Variants in WWC2 observed in about 807,000 individuals in gnomAD.
WWC2 encodes WW and C2 domain containing 2, also known as protein WWC2.
WWC2 carries 101 observed loss-of-function variants against 138.5 expected under a neutral mutation model. That is an observed-to-expected ratio of 0.73 (90% CI 0.62 to 0.86). The LOEUF is 0.86. Ranked by LOEUF, WWC2 falls within the 40% of genes least tolerant of loss-of-function variation. The probability of loss-of-function intolerance (pLI) is 0.00; values close to 1 mark genes in which losing one functional copy is unlikely to be tolerated. For synonymous variants in WWC2, 558 were observed against 538.4 expected (o/e 1.04, Z -0.50); for missense variants, 1,420 against 1,419.4 (o/e 1.00, Z -0.01).
At chr4:183,149,136 T>C (rs1260395564) in intron 1 of WWC2, among the ~76,000 whole-genome samples, 2 of 152,070 alleles carry the variant, frequency 1.3e-5, no homozygotes, top group Non-Finnish European at 2.9e-5. Context: ...TAATGAATTG[T>C]CATAAAGCGA....
chr4:183,190,406 C>T (rs549968785), intron 1 of WWC2, among the ~76,000 whole-genome samples: 28 of 152,056 alleles, frequency 1.8e-4, no homozygotes, highest in Non-Finnish European at 3.2e-4. Flanking sequence ...CCTCTTAGTA[C>T]GTCATAGTAA....
rs747282878 is a variant in WWC2 at position 183,245,543 on chromosome 4, C to T, written c.730C>T (p.Gln244Ter). The T allele has an allele frequency of 6.3e-7, 1 of 1,582,156 alleles. No homozygotes were observed. The highest frequency in any genetic ancestry group is 8.6e-7 in the Non-Finnish European group (1 of 1,169,356). The change falls in exon 6 of 23, where the codon CAG (glutamine) becomes TAG (stop). Residue 244 changes from glutamine (Q) to a stop codon, truncating the protein, a stop_gained and splice_region_variant. Coordinates refer to ENST00000403733, the MANE Select transcript of WWC2 (RefSeq NM_024949.6). LOFTEE classifies it high-confidence loss of function. Reference protein sequence around the residue: ...SGEKEKQDLMQSLAKLQERFH... With the variant: ...SGEKEKQDLM Reference sequence around the variant, plus strand: ...AGAAAAAGAAAAACAAGATCTGATGCAGGTACATTATAAAACATTTTGTTA... The same window carrying T: ...AGAAAAAGAAAAACAAGATCTGATGTAGGTACATTATAAAACATTTTGTTA...
At chr4:183,103,513 A>G (rs1410550224) in intron 1 of WWC2, among the ~76,000 whole-genome samples, 1 of 150,458 alleles carries the variant, frequency 6.6e-6, no homozygotes, top group Non-Finnish European at 1.5e-5. Context: ...TTTTTAGTAG[A>G]AATGGGGTTT....
chr4:183,118,946 A>T lies in WWC2; in HGVS notation c.131+19324A>T, dbSNP rs547548338. On this transcript the variant is annotated intron_variant, in intron 1 of 22. Transcript: ENST00000403733. ...TTTTTTTTTTGTAATCCTGTCTCTC[A>T]TCCTCCCCTGACAACACTTTACTTC... 6.7e-4 allele frequency among the ~76,000 whole-genome samples: 101 copies of T among 151,124 alleles called. 1 individual carries two copies. The highest frequency in any genetic ancestry group is 2.4e-3 in the African/African-American group (97 of 41,082).
At chr4:183,195,506 CT>C (rs1194482632) in intron 2 of WWC2, among the ~76,000 whole-genome samples, 2 of 152,184 alleles carry the variant, frequency 1.3e-5, no homozygotes, top group East Asian at 3.9e-4. Flanking sequence ...CTCTTAATAA[CT>C]TTTCTATTTC....
Position 183,262,594 on chromosome 4 carries a change from A to G in WWC2, c.1909+1062A>G, listed in dbSNP as rs145462582. On this transcript the variant is annotated intron_variant, in intron 11 of 22. Coordinates refer to ENST00000403733, the MANE Select transcript of WWC2 (RefSeq NM_024949.6). ...GTGGCCTGGGCCTGTGGGAGGGCCC[A>G]TGAGACATTTGTGTGGTTTGTGCGC... Among the ~76,000 whole-genome samples, 325 of 152,382 alleles carry G rather than the reference A, an allele frequency of 2.1e-3. 1 individual carries two copies. The highest frequency in any genetic ancestry group is 7.2e-3 in the African/African-American group (298 of 41,600).
intron 21 of WWC2, among the ~76,000 whole-genome samples, chr4:183,289,953 A>C (rs984357658): frequency 3.3e-5 from 5 of 151,942 alleles, no homozygotes; most frequent in Non-Finnish European, 7.4e-5. Context: ...TCTCCTCCAT[A>C]TTGTTCTCCA....
intron 1 of WWC2, among the ~76,000 whole-genome samples, chr4:183,127,380 G>T (rs895891837): frequency 6.6e-6 from 1 of 151,992 alleles, no homozygotes; most frequent in Non-Finnish European, 1.5e-5. Context: ...AAATAAGCCC[G>T]ACAGGAAGAA....
At chr4:183,243,548 C>G (rs1292781264) in intron 5 of WWC2, among the ~76,000 whole-genome samples, 2 of 152,126 alleles carry the variant, frequency 1.3e-5, no homozygotes, top group Non-Finnish European at 2.9e-5. Flanking sequence ...TTCACTAGTC[C>G]CATCAGATAT....
intron 1 of WWC2, among the ~76,000 whole-genome samples, chr4:183,154,768 G>A (rs954729063): frequency 2.0e-4 from 31 of 152,206 alleles, no homozygotes; most frequent in African/African-American, 6.0e-4. Context: ...CAGTTGTGGC[G>A]CCTAGGAGGA....
At chr4:183,257,999 G>A (rs1266937122) in intron 9 of WWC2, among the ~76,000 whole-genome samples, 1 of 152,232 alleles carries the variant, frequency 6.6e-6, no homozygotes, top group Non-Finnish European at 1.5e-5. Context: ...GGAGAAGGCT[G>A]AGGACGCTCC....
At chr4:183,174,988 T>C (rs1011783871) in intron 1 of WWC2, among the ~76,000 whole-genome samples, 2 of 152,130 alleles carry the variant, frequency 1.3e-5, no homozygotes, top group Admixed American at 6.5e-5. Flanking sequence ...CCAGTATATA[T>C]GGTATATGTA....
At chr4:183,178,783 G>C (rs377624448) in intron 1 of WWC2, among the ~76,000 whole-genome samples, 2 of 152,122 alleles carry the variant, frequency 1.3e-5, no homozygotes, top group African/African-American at 4.8e-5. Context: ...GCTTCAGGGC[G>C]CATAATCGAG....
At chr4:183,180,618 G>GTGT (rs35697537) in intron 1 of WWC2, among the ~76,000 whole-genome samples, 1 of 112 alleles carries the variant, frequency 8.9e-3, no homozygotes, top group Non-Finnish European at 0.019. Context: ...TAAGCAAAAT[G>GTGT]TATCTGTGGA....
intron 8 of WWC2, 46 bp from the exon 9 acceptor site, chr4:183,253,711 A>G (rs540675672): frequency 2.5e-6 from 4 of 1,582,510 alleles, no homozygotes; most frequent in African/African-American, 2.7e-5. Flanking sequence ...TACCTTTCTC[A>G]GGAGTTTTAA....
At chr4:183,294,154 T>A (rs1738555802) in intron 21 of WWC2, among the ~76,000 whole-genome samples, 1 of 152,258 alleles carries the variant, frequency 6.6e-6, no homozygotes, top group Admixed American at 6.5e-5. Context: ...AATAAAACTT[T>A]ATTTACAAAA....
At chr4:183,164,547 A>G (rs1734082314) in intron 1 of WWC2, among the ~76,000 whole-genome samples, 1 of 151,764 alleles carries the variant, frequency 6.6e-6, no homozygotes, top group Non-Finnish European at 1.5e-5. Context: ...AAAAGCTAAA[A>G]ATAATTTTGG....
chr4:183,162,767 C>T (rs1733999012), intron 1 of WWC2, among the ~76,000 whole-genome samples: 1 of 152,200 alleles, frequency 6.6e-6, no homozygotes, highest in African/African-American at 2.4e-5. Flanking sequence ...CCCCTTCCAG[C>T]ATCATCATTT....
In WWC2 at chr4:183,319,421, CTA is replaced by C; in HGVS notation, c.*3695_*3696del. ...ATGGTTTACCAGTCTTGGAAAGAAA[CTA>C]TAGTTTAATAGCCACAGGAAAAGAT... On this transcript the variant is annotated 3_prime_UTR_variant, in exon 23 of 23. Coordinates refer to ENST00000403733, the MANE Select transcript of WWC2 (RefSeq NM_024949.6). The C allele has an allele frequency of 1.0e-6, 1 of 983,294 alleles. No homozygotes were observed. The highest frequency in any genetic ancestry group is 2.4e-5 in the Admixed American group (1 of 41,314). The allele number at this position is 983,294 out of a possible 1,614,324, so 60.9% of individuals were successfully genotyped here. A position where few individuals can be genotyped will look rare whatever the true frequency, so the allele number is the denominator to read the frequency against.
Sources: gnomAD v4.1 joint callset for allele counts (sites outside exome capture counted in the v4.1 genomes callset) on GRCh38, gnomAD v4.1.1 for gene constraint, MANE v1.5 for transcripts, NCBI Gene and HGNC (gene_info 2026-07-23, HGNC 2026-07-21) for gene names.